Variants in NRXN3 observed in about 807,000 individuals in gnomAD.
NRXN3 encodes the protein neurexin 3, also known as neurexin III.
In NRXN3, 32 loss-of-function variants were observed where a neutral mutation model predicts 137.6. The observed-to-expected ratio is 0.23, with a 90% CI of 0.18 to 0.31. NRXN3 has a LOEUF of 0.31. Ranked by LOEUF, NRXN3 falls within the 10% of genes least tolerant of loss-of-function variation. The pLI, the probability that NRXN3 is intolerant of heterozygous loss-of-function variation, is 1.00. For missense variants in NRXN3, 1,574 were observed against 2,062.5 expected (o/e 0.76, Z 4.59); for synonymous variants, 798 against 784.5 (o/e 1.02, Z -0.29).
chr14:79,650,352 T>G (rs972875065), intron 16 of NRXN3, among the ~76,000 whole-genome samples: 1 of 152,136 alleles, frequency 6.6e-6, no homozygotes. Flanking sequence ...ATATCTCAAT[T>G]TAGGAAACCA....
At position 79,181,798 on chromosome 14, in the gene NRXN3, T is replaced by C. The variant is rs558433181; in HGVS notation, c.3262+193657T>C. On this transcript the variant is annotated intron_variant, in intron 15 of 20. Transcript: ENST00000335750. Reference sequence around the variant, plus strand: ...ATGTGAAAAGCATCTCAATCATTGATTCCAGCCACATGCCATCATAAGCGC... The same window carrying C: ...ATGTGAAAAGCATCTCAATCATTGACTCCAGCCACATGCCATCATAAGCGC... Among the ~76,000 whole-genome samples, 148 of 152,114 alleles carry C rather than the reference T, an allele frequency of 9.7e-4. 2 individuals carry two copies. The highest frequency in any genetic ancestry group is 3.5e-4 in the Non-Finnish European group (24 of 68,002).
At chr14:78,577,549 G>A (rs999391289) in intron 4 of NRXN3, among the ~76,000 whole-genome samples, 3 of 151,858 alleles carry the variant, frequency 2.0e-5, no homozygotes, top group African/African-American at 4.8e-5. Flanking sequence ...CACTACAACC[G>A]CCACCTCCCA....
At chr14:79,586,195 T>C (rs1188895042) in intron 16 of NRXN3, among the ~76,000 whole-genome samples, 1 of 152,248 alleles carries the variant, frequency 6.6e-6, no homozygotes, top group Admixed American at 6.5e-5. Context: ...GTATTTTATA[T>C]TATTTGTTTG....
intron 10 of NRXN3, among the ~76,000 whole-genome samples, chr14:78,850,711 A>G (rs1453549517): frequency 6.6e-6 from 1 of 152,142 alleles, no homozygotes; most frequent in South Asian, 2.1e-4. Context: ...GTTATAATTT[A>G]GATCATGTGA....
intron 6 of NRXN3, among the ~76,000 whole-genome samples, chr14:78,657,779 G>A (rs577740735): frequency 4.7e-4 from 72 of 152,286 alleles, no homozygotes; most frequent in Middle Eastern, 3.4e-3. Context: ...ATTGCTATAC[G>A]TTTATTTGAA....
intron 15 of NRXN3, among the ~76,000 whole-genome samples, chr14:79,270,012 T>TG (rs2079066334): frequency 6.6e-6 from 1 of 152,162 alleles, no homozygotes; most frequent in Non-Finnish European, 1.5e-5. Context: ...ATCCAGGCAT[T>TG]GGGTTTGAGC....
chr14:78,956,026 C>T (rs1038855787), intron 10 of NRXN3, among the ~76,000 whole-genome samples: 3 of 152,010 alleles, frequency 2.0e-5, no homozygotes, highest in African/African-American at 7.3e-5. Context: ...TGTACTTGGC[C>T]CTGTGCTCAG....
chr14:78,264,774 T>C (rs1322660716), intron 2 of NRXN3, among the ~76,000 whole-genome samples: 3 of 152,162 alleles, frequency 2.0e-5, no homozygotes, highest in African/African-American at 7.2e-5. Context: ...GGGGATTTGT[T>C]TGATTAATTC....
At position 79,153,046 on chromosome 14, in the gene NRXN3, A is replaced by G. The variant is rs1243632388; in HGVS notation, c.3262+164905A>G. Among the ~76,000 whole-genome samples the G allele has an allele frequency of 3.9e-5, 6 of 151,990 alleles. No individual in the cohort carries two copies. In the South Asian group the frequency reaches 1.0e-3, roughly 26 times the overall value. ...ATGAGATTAAGGAAGCCAACTGATA[A>G]CTATTGTAATAGGATAGGAAATGTT... is the stretch of plus-strand genomic sequence containing the variant. On this transcript the variant is annotated intron_variant, in intron 15 of 20. Transcript: ENST00000335750.
chr14:79,555,329 G>C (rs529103926), intron 16 of NRXN3, among the ~76,000 whole-genome samples: 1 of 152,152 alleles, frequency 6.6e-6, no homozygotes, highest in Non-Finnish European at 1.5e-5. Flanking sequence ...CACAGTGTCA[G>C]GAATCCAACT....
chr14:78,694,407 T>C (rs927077873), intron 6 of NRXN3, among the ~76,000 whole-genome samples: 1 of 151,968 alleles, frequency 6.6e-6, no homozygotes, highest in African/African-American at 2.4e-5. Flanking sequence ...AGCATGGTCC[T>C]TTGTATATAA....
intron 15 of NRXN3, chr14:79,280,039 G>A (rs2081003675): frequency 2.3e-5 from 30 of 1,309,860 alleles, no homozygotes; most frequent in Non-Finnish European, 2.9e-5. Flanking sequence ...CTATACCTGG[G>A]AGGACCCTGG....
chr14:78,205,354 C>T (rs1214662088), intron 1 of NRXN3, among the ~76,000 whole-genome samples: 10 of 152,206 alleles, frequency 6.6e-5, no homozygotes, highest in Admixed American at 2.0e-4. Context: ...CTTTCCCAAC[C>T]CAGAGTACCA....
At chr14:79,693,245 G>C (rs1476933337) in intron 18 of NRXN3, among the ~76,000 whole-genome samples, 1 of 151,946 alleles carries the variant, frequency 6.6e-6, no homozygotes, top group Non-Finnish European at 1.5e-5. Context: ...CTTAACATTT[G>C]TAGAGATTTC....
intron 10 of NRXN3, among the ~76,000 whole-genome samples, chr14:78,837,043 C>T (rs555261345): frequency 2.5e-4 from 38 of 152,116 alleles, no homozygotes; most frequent in Non-Finnish European, 3.8e-4. Context: ...CTACTGTCCA[C>T]CCCCCATCCT....
chr14:78,193,710 C>G (rs1018785146), intron 1 of NRXN3, among the ~76,000 whole-genome samples: 1 of 144,124 alleles, frequency 6.9e-6, no homozygotes, highest in Non-Finnish European at 1.5e-5. Flanking sequence ...TGTAGTGAGC[C>G]GAGATTGTGC....
chr14:78,593,669 T>C (rs1335607147), intron 4 of NRXN3, among the ~76,000 whole-genome samples: 1 of 152,090 alleles, frequency 6.6e-6, no homozygotes, highest in Non-Finnish European at 1.5e-5. Context: ...TGTAATTTAG[T>C]CTTGGGTGGG....
At chr14:79,677,849 A>C (rs374998058) in intron 17 of NRXN3, among the ~76,000 whole-genome samples, 46 of 152,256 alleles carry the variant, frequency 3.0e-4, no homozygotes, top group African/African-American at 1.1e-3. Context: ...AGTTGTATGT[A>C]ATTCTTCTAA....
intron 15 of NRXN3, among the ~76,000 whole-genome samples, chr14:79,267,283 A>G (rs914213462): frequency 3.3e-5 from 5 of 152,176 alleles, no homozygotes; most frequent in African/African-American, 1.2e-4. Context: ...AAGGATATAG[A>G]ATTATTTTCT....
Sources: gnomAD v4.1 joint callset for allele counts (sites outside exome capture counted in the v4.1 genomes callset) on GRCh38, gnomAD v4.1.1 for gene constraint, MANE v1.5 for transcripts, NCBI Gene and HGNC (gene_info 2026-07-23, HGNC 2026-07-21) for gene names.